CALCR: variants seen among roughly 807,000 people sequenced by gnomAD.
CALCR encodes the protein calcitonin receptor.
Under a neutral mutation model 59.5 loss-of-function variants are expected in CALCR, and 47 were observed. That is an observed-to-expected ratio of 0.79 (90% CI 0.63 to 1.01). CALCR has a LOEUF of 1.01. Among genes scored for constraint, CALCR ranks in the 50% least tolerant of loss-of-function variants. The pLI is 0.00. For missense variants in CALCR, 566 were observed against 597.1 expected, an observed-to-expected ratio of 0.95 and a Z score of 0.54; for synonymous variants, 213 against 211.3, an observed-to-expected ratio of 1.01 and a Z score of -0.07.
chr7:93,454,655 A>G (rs958259277), intron 8 of CALCR, among the ~76,000 whole-genome samples: 2 of 152,082 alleles, frequency 1.3e-5, no homozygotes, highest in African/African-American at 4.8e-5. Flanking sequence ...TGGAAATGAA[A>G]TGCTCAAATG....
intron 2 of CALCR, among the ~76,000 whole-genome samples, chr7:93,487,364 A>C (rs1018662850): frequency 2.0e-5 from 3 of 151,474 alleles, no homozygotes; most frequent in African/African-American, 7.3e-5. Flanking sequence ...GATGTCCACC[A>C]AGAAGTCACC....
chr7:93,481,894 C>G (rs993497354), intron 3 of CALCR, among the ~76,000 whole-genome samples: 1 of 151,860 alleles, frequency 6.6e-6, no homozygotes, highest in Non-Finnish European at 1.5e-5. Flanking sequence ...CACTGGTCTT[C>G]AGATCAGTCA....
intron 8 of CALCR, 111 bp downstream of exon 8, chr7:93,460,710 A>T: frequency 1.5e-6 from 1 of 684,230 alleles, no homozygotes; most frequent in Non-Finnish European, 2.3e-6. Flanking sequence ...AGAAGTAAAT[A>T]TGATTACACA....
chr7:93,501,374 CA>C (rs1264965975), intron 2 of CALCR, among the ~76,000 whole-genome samples: 1 of 151,980 alleles, frequency 6.6e-6, no homozygotes, highest in Non-Finnish European at 1.5e-5. Flanking sequence ...TATAATTTTA[CA>C]AATTTATGAG....
chr7:93,534,322 A>C (rs955852488), intron 2 of CALCR, among the ~76,000 whole-genome samples: 1 of 151,822 alleles, frequency 6.6e-6, no homozygotes, highest in African/African-American at 2.4e-5. Flanking sequence ...CAAGTCCAAA[A>C]TCACACAGAA....
intron 7 of CALCR, among the ~76,000 whole-genome samples, chr7:93,463,228 G>C (rs1800374725): frequency 6.6e-6 from 1 of 151,346 alleles, no homozygotes; most frequent in Admixed American, 6.6e-5. Context: ...ATATCATACA[G>C]CATATATGCA....
intron 6 of CALCR, among the ~76,000 whole-genome samples, chr7:93,469,462 T>G (rs1416734567): frequency 6.6e-6 from 1 of 151,718 alleles, no homozygotes; most frequent in Non-Finnish European, 1.5e-5. Context: ...TTTCCTTTCC[T>G]TATAATGTAA....
At chr7:93,479,291 C>T in intron 4 of CALCR, 63 bp downstream of exon 4, 1 of 1,461,376 alleles carries the variant, frequency 6.8e-7, no homozygotes, top group South Asian at 1.4e-5. Context: ...ACATATTTAA[C>T]CACAAAAGAA....
chr7:93,455,052 A>G (rs1036416381), intron 8 of CALCR, among the ~76,000 whole-genome samples: 2 of 151,964 alleles, frequency 1.3e-5, no homozygotes, highest in African/African-American at 4.8e-5. Flanking sequence ...TTCAAAAAAT[A>G]ACTTTTTAAT....
At chr7:93,527,247 T>G (rs1788680785) in intron 2 of CALCR, among the ~76,000 whole-genome samples, 1 of 151,776 alleles carries the variant, frequency 6.6e-6, no homozygotes, top group Admixed American at 6.6e-5. Flanking sequence ...TTATGAAATA[T>G]GTACATATCA....
intron 7 of CALCR, among the ~76,000 whole-genome samples, chr7:93,464,993 T>A (rs555006377): frequency 2.0e-5 from 3 of 151,986 alleles, no homozygotes; most frequent in Non-Finnish European, 4.4e-5. Context: ...ATATGCTTTT[T>A]GTCAATGTGG....
At chr7:93,470,862 T>C (rs1468280692) in intron 6 of CALCR, among the ~76,000 whole-genome samples, 1 of 151,684 alleles carries the variant, frequency 6.6e-6, no homozygotes. Context: ...GACATGCTGG[T>C]GCGCTGCACC....
At chr7:93,493,141 T>C (rs1801121511) in intron 2 of CALCR, among the ~76,000 whole-genome samples, 1 of 151,422 alleles carries the variant, frequency 6.6e-6, no homozygotes, top group African/African-American at 2.4e-5. Context: ...AATTATTTTT[T>C]AGATAGCTAT....
intron 2 of CALCR, among the ~76,000 whole-genome samples, chr7:93,561,585 T>C (rs1789749374): frequency 6.6e-6 from 1 of 152,136 alleles, no homozygotes; most frequent in African/African-American, 2.4e-5. Flanking sequence ...CATCATTAGA[T>C]AAAAAGGAGG....
intron 3 of CALCR, chr7:93,483,991 C>T (rs761317087): frequency 1.5e-5 from 8 of 520,938 alleles, no homozygotes; most frequent in East Asian, 5.6e-5. Flanking sequence ...AAGTAAATGG[C>T]GTCACACATA....
At chr7:93,468,944 T>G (rs1800496284) in intron 6 of CALCR, 138 bp from the exon 7 acceptor site, 1 of 459,308 alleles carries the variant, frequency 2.2e-6, no homozygotes, top group Non-Finnish European at 3.8e-6. Context: ...AACAAATATT[T>G]CAGATAGTGA....
At chr7:93,430,997 A>G (rs762407561) in intron 13 of CALCR, among the ~76,000 whole-genome samples, 5 of 152,148 alleles carry the variant, frequency 3.3e-5, no homozygotes, top group Non-Finnish European at 7.3e-5. Flanking sequence ...CTCTTTGCAT[A>G]TGTTGTGAAA....
At chr7:93,470,264 C>T (rs1800524405) in intron 6 of CALCR, among the ~76,000 whole-genome samples, 1 of 151,240 alleles carries the variant, frequency 6.6e-6, no homozygotes, top group African/African-American at 2.4e-5. Flanking sequence ...CTTATACACA[C>T]ACACACACAC....
intron 2 of CALCR, among the ~76,000 whole-genome samples, chr7:93,561,952 T>C (rs575908596): frequency 6.6e-6 from 1 of 152,170 alleles, no homozygotes; most frequent in African/African-American, 2.4e-5. Context: ...CTGCTTCTGG[T>C]TATACGATCT....
Sources: gnomAD v4.1 joint callset for allele counts (sites outside exome capture counted in the v4.1 genomes callset) on GRCh38, gnomAD v4.1.1 for gene constraint, MANE v1.5 for transcripts, NCBI Gene and HGNC (gene_info 2026-07-23, HGNC 2026-07-21) for gene names.